NOVA1: variants seen among roughly 807,000 people sequenced by gnomAD.
NOVA1 encodes the protein NOVA alternative splicing regulator 1, also known as RNA-binding protein Nova-1.
In NOVA1, 7 loss-of-function variants were observed where a neutral mutation model predicts 38.0. The observed-to-expected ratio is 0.18, with a 90% CI of 0.10 to 0.35. NOVA1 has a LOEUF of 0.35. NOVA1 is among the 10% of genes least tolerant of loss of function. The pLI, the probability that NOVA1 is intolerant of heterozygous loss-of-function variation, is 1.00. For missense variants in NOVA1, 460 were observed against 616.0 expected, an observed-to-expected ratio of 0.75 and a Z score of 2.68; for synonymous variants, 270 against 232.5, an observed-to-expected ratio of 1.16 and a Z score of -1.47.
At chr14:26,574,776 T>A (rs1425747791) in intron 2 of NOVA1, among the ~76,000 whole-genome samples, 1 of 152,008 alleles carries the variant, frequency 6.6e-6, no homozygotes, top group African/African-American at 2.4e-5. Context: ...CCTATGACAG[T>A]CTCCAGAGTA....
intron 2 of NOVA1, among the ~76,000 whole-genome samples, chr14:26,580,605 T>A (rs1893151015): frequency 6.6e-6 from 1 of 152,064 alleles, no homozygotes; most frequent in African/African-American, 2.4e-5. Context: ...CATAAACCCA[T>A]TAATCAACAT....
At chr14:26,514,215 T>A (rs1302984788) in intron 2 of NOVA1, among the ~76,000 whole-genome samples, 1 of 151,718 alleles carries the variant, frequency 6.6e-6, no homozygotes, top group African/African-American at 2.4e-5. Flanking sequence ...AGGCACAATA[T>A]ATAGATTTGA....
At position 26,448,322 on chromosome 14, in the gene NOVA1, G is replaced by A; in HGVS notation, c.1161C>T (p.Ser387=). The A allele has an allele frequency of 1.9e-6, 3 of 1,613,574 alleles. No individual in the cohort carries two copies. The highest frequency in any genetic ancestry group is 2.5e-6 in the Non-Finnish European group (3 of 1,179,934). The change falls in exon 5 of 5, where the codon AGC becomes AGT. Residue 387 remains serine (S), a synonymous_variant. Transcript: ENST00000539517. This position sits in a 1 kb window ranked among gnomAD's most constrained non-coding sequence, Gnocchi z 5.3. ...TGGTTGCAGCAGTAGCAGCAGCCAG[G>A]CTACCTAATGCAAATGTCCCCGCCG... ...GGTAGTFALG[S]LAAATAATNG...
chr14:26,459,859 T>A (rs1218261592), intron 4 of NOVA1, among the ~76,000 whole-genome samples: 1 of 152,020 alleles, frequency 6.6e-6, no homozygotes, highest in Non-Finnish European at 1.5e-5. Context: ...AAGGAAAACT[T>A]TCACAATTTG....
chr14:26,455,037 T>C (rs192330390), intron 4 of NOVA1, among the ~76,000 whole-genome samples: 2 of 152,164 alleles, frequency 1.3e-5, no homozygotes, highest in African/African-American at 4.8e-5. Context: ...TGATAAAATA[T>C]GTACAACAGA....
chr14:26,591,211 A>G (rs1052302217), intron 2 of NOVA1, among the ~76,000 whole-genome samples: 6 of 151,706 alleles, frequency 4.0e-5, no homozygotes, highest in African/African-American at 1.4e-4. Context: ...TGTTTAAGTA[A>G]AAGATTATGT....
chr14:26,546,748 A>T (rs1243902591), intron 2 of NOVA1, among the ~76,000 whole-genome samples: 4 of 152,132 alleles, frequency 2.6e-5, no homozygotes, highest in Admixed American at 6.6e-5. Flanking sequence ...GGCCGGGTGC[A>T]GTGGCTCACA....
Position 26,583,467 on chromosome 14 carries a change from TA to T in NOVA1, c.280+11942del, listed in dbSNP as rs1424174364. The stretch of plus-strand genomic sequence containing the variant: ...TACTGAATTATGAATAGCACTTAAA[TA>T]AAGATTACACAGTGAATATTTTTAT... On this transcript the variant is annotated intron_variant, in intron 2 of 4. Coordinates refer to ENST00000539517, the MANE Select transcript of NOVA1 (RefSeq NM_002515.3). Among the ~76,000 whole-genome samples, 103 of 151,658 alleles carry T rather than the reference TA, an allele frequency of 6.8e-4. 1 individual carries two copies. Among genetic ancestry groups the T allele is most frequent in the African/African-American group, 2.3e-3 (96 of 41,496 alleles).
chr14:26,471,523 ATG>A (rs1028890752), intron 4 of NOVA1, among the ~76,000 whole-genome samples: 9 of 151,858 alleles, frequency 5.9e-5, no homozygotes, highest in Admixed American at 5.3e-4. Context: ...CAAAATAAAA[ATG>A]TGTTTAATAA....
intron 2 of NOVA1, among the ~76,000 whole-genome samples, chr14:26,556,740 C>T (rs1219600273): frequency 6.6e-6 from 1 of 151,976 alleles, no homozygotes; most frequent in Non-Finnish European, 1.5e-5. Context: ...AAACACATAC[C>T]TCATAAAGTA....
At chr14:26,517,470 G>A (rs1483108937) in intron 2 of NOVA1, among the ~76,000 whole-genome samples, 1 of 152,072 alleles carries the variant, frequency 6.6e-6, no homozygotes, top group South Asian at 2.1e-4. Context: ...AACTTTCACA[G>A]ATTCTGTTTT....
chr14:26,501,329 T>C (rs1887227675), intron 2 of NOVA1, among the ~76,000 whole-genome samples: 1 of 151,962 alleles, frequency 6.6e-6, no homozygotes, highest in African/African-American at 2.4e-5. Flanking sequence ...AAAGGGAACA[T>C]AGTGGCATAC....
chr14:26,584,395 T>C (rs1893397122), intron 2 of NOVA1, among the ~76,000 whole-genome samples: 4 of 151,542 alleles, frequency 2.6e-5, no homozygotes, highest in Admixed American at 2.6e-4. Flanking sequence ...TATATTTACA[T>C]AAATATATAT....
intron 3 of NOVA1, chr14:26,479,461 A>G (rs1046751793): frequency 1.3e-5 from 2 of 152,408 alleles, no homozygotes; most frequent in African/African-American, 4.8e-5. Context: ...AAACACAGTA[A>G]CTGATTTGTA....
At chr14:26,503,833 G>A (rs1055526114) in intron 2 of NOVA1, among the ~76,000 whole-genome samples, 1 of 152,004 alleles carries the variant, frequency 6.6e-6, no homozygotes, top group African/African-American at 2.4e-5. Context: ...CATGGAAAGA[G>A]GTTCATGATG....
At position 26,480,121 on chromosome 14, in the gene NOVA1, C is replaced by T; in HGVS notation, c.303G>A (p.Leu101=). ...TCAGTGCTTCAACCGTTCCCTGGATCAAGCACACTCGCTCAGTAGTACCTG... is the reference window on the plus strand; with the variant it reads ...TCAGTGCTTCAACCGTTCCCTGGATTAAGCACACTCGCTCAGTAGTACCTG... ...FYPGTTERVC[L]IQGTVEALNA... is the part of the protein sequence containing the mutation. Residue 101 remains leucine, a synonymous_variant, in exon 3 of 5, where the codon TTG becomes TTA. Coordinates refer to ENST00000539517, the MANE Select transcript of NOVA1 (RefSeq NM_002515.3). 6.2e-7 allele frequency: 1 copy of T among 1,613,788 alleles called. No homozygotes were observed. The highest frequency in any genetic ancestry group is 8.5e-7 in the Non-Finnish European group (1 of 1,179,870).
chr14:26,510,329 A>G (rs764646223), intron 2 of NOVA1, among the ~76,000 whole-genome samples: 2 of 152,198 alleles, frequency 1.3e-5, no homozygotes, highest in Non-Finnish European at 2.9e-5. Flanking sequence ...AGAATGTTAA[A>G]CGGTAAAACA....
At chr14:26,595,625 A>G in intron 1 of NOVA1, 72 bp from the exon 2 acceptor site, 1 of 1,346,916 alleles carries the variant, frequency 7.4e-7, no homozygotes, top group Non-Finnish European at 1.0e-6. Flanking sequence ...CACCCTCAAG[A>G]GAGAAAAACA....
chr14:26,595,008 T>A (rs980135424), intron 2 of NOVA1, among the ~76,000 whole-genome samples: 5 of 152,084 alleles, frequency 3.3e-5, no homozygotes, highest in Admixed American at 3.3e-4. Flanking sequence ...AATGGTCCAT[T>A]CTTTAAGAAG....
Sources: allele counts gnomAD v4.1 joint callset (sites outside exome capture counted in the v4.1 genomes callset), GRCh38; gene constraint gnomAD v4.1.1; non-coding constraint Gnocchi (gnomAD v3.1); transcripts MANE v1.5; gene names NCBI Gene and HGNC (gene_info 2026-07-23, HGNC 2026-07-21).